Variants in KLRG2 observed in about 807,000 individuals in gnomAD.
KLRG2 encodes the protein killer cell lectin-like receptor subfamily G member 2.
Under a neutral mutation model 35.4 loss-of-function variants are expected in KLRG2, and 39 were observed. That is an observed-to-expected ratio of 1.10 (90% CI 0.85 to 1.44). The LOEUF (loss-of-function observed/expected upper bound fraction) is 1.44. KLRG2 is among the 40% of genes most tolerant of loss of function. KLRG2 has a pLI of 0.00. For missense variants in KLRG2, 632 were observed against 570.9 expected, an observed-to-expected ratio of 1.11 and a Z score of -1.09; for synonymous variants, 283 against 265.8, an observed-to-expected ratio of 1.06 and a Z score of -0.63.
chr7:139,453,588 C>T lies in KLRG2; in HGVS notation c.1229G>A (p.Ter410=). 6.3e-7 allele frequency: 1 copy of T among 1,595,104 alleles called. No homozygotes were observed. Among genetic ancestry groups the T allele is most frequent in the Non-Finnish European group, 8.5e-7 (1 of 1,170,978 alleles). ...RPWVCAKGTQ[*] ...GCTGAGGACCAGGCAGAGCCCAGAT[C>T]ACTGGGTCCCCTTGGCACAGACCCA... Residue 410 remains the stop codon, a stop_retained_variant, in exon 5 of 5, where the codon TGA becomes TAA. Coordinates refer to ENST00000340940, the MANE Select transcript of KLRG2 (RefSeq NM_198508.4).
chr7:139,449,832 T>G (rs972006286), downstream of KLRG2, among the ~76,000 whole-genome samples: 1 of 150,572 alleles, frequency 6.6e-6, no homozygotes, highest in African/African-American at 2.4e-5. Flanking sequence ...CCCGAGTAGC[T>G]GGGACTACAG....
At chr7:139,472,526 C>T (rs1484008962) in intron 3 of KLRG2, among the ~76,000 whole-genome samples, 1 of 151,230 alleles carries the variant, frequency 6.6e-6, no homozygotes, top group African/African-American at 2.4e-5. Flanking sequence ...AGGAAGATCA[C>T]TTGAGCCCAG....
the KLRG2 span, among the ~76,000 whole-genome samples, chr7:139,446,024 G>C: frequency 1.3e-5 from 2 of 151,784 alleles, no homozygotes; most frequent in African/African-American, 4.9e-5. Context: ...GTAGAAACGA[G>C]GTTTCCATGT....
chr7:139,470,148 C>T (rs149139322), intron 3 of KLRG2, among the ~76,000 whole-genome samples: 1,992 of 151,928 alleles, frequency 0.013, 55 homozygotes, highest in African/African-American at 0.046. Flanking sequence ...ACCTCCACCT[C>T]CCAGATTTAA....
chr7:139,452,344 AATGTAG>A (rs1192292116), downstream of KLRG2, among the ~76,000 whole-genome samples: 1 of 152,146 alleles, frequency 6.6e-6, no homozygotes, highest in Non-Finnish European at 1.5e-5. Context: ...AGAAATTTCT[AATGTAG>A]ATGACAAGTT....
the KLRG2 span, among the ~76,000 whole-genome samples, chr7:139,437,014 G>A: frequency 1.3e-5 from 2 of 152,184 alleles, no homozygotes; most frequent in Non-Finnish European, 2.9e-5. Flanking sequence ...GCCGGAGCTT[G>A]ACAGGGGACG....
the KLRG2 span, among the ~76,000 whole-genome samples, chr7:139,429,141 A>G: frequency 6.6e-6 from 1 of 152,148 alleles, no homozygotes; most frequent in Non-Finnish European, 1.5e-5. Flanking sequence ...CTCCATTTCT[A>G]CTAAAAATAC....
chr7:139,469,772 A>G (rs907145426), intron 3 of KLRG2, among the ~76,000 whole-genome samples: 5 of 152,248 alleles, frequency 3.3e-5, no homozygotes, highest in African/African-American at 1.2e-4. Flanking sequence ...AACAGGTTTC[A>G]CTTCTTTAAT....
At chr7:139,433,988 G>A in the KLRG2 span, among the ~76,000 whole-genome samples, 2 of 152,154 alleles carry the variant, frequency 1.3e-5, no homozygotes, top group Non-Finnish European at 2.9e-5. Context: ...ATTCCAGCCA[G>A]CACCTGTCCC....
chr7:139,463,464 A>G (rs1027167720), intron 3 of KLRG2, among the ~76,000 whole-genome samples: 2 of 152,122 alleles, frequency 1.3e-5, no homozygotes, highest in African/African-American at 4.8e-5. Context: ...ACCCAGCCGC[A>G]CCTCCAGCAT....
chr7:139,472,684 T>C (rs1196455394), intron 3 of KLRG2, among the ~76,000 whole-genome samples: 1 of 151,874 alleles, frequency 6.6e-6, no homozygotes, highest in East Asian at 1.9e-4. Flanking sequence ...GAAAGCTCAG[T>C]GGTTTTCAAG....
intron 3 of KLRG2, among the ~76,000 whole-genome samples, chr7:139,455,231 C>T (rs1796450954): frequency 1.3e-5 from 2 of 151,832 alleles, no homozygotes; most frequent in Admixed American, 1.3e-4. Flanking sequence ...TTGGCCTAGG[C>T]TGGTCTTGAG....
chr7:139,466,204 T>C (rs901410406), intron 3 of KLRG2, among the ~76,000 whole-genome samples: 6 of 152,202 alleles, frequency 3.9e-5, no homozygotes, highest in African/African-American at 1.4e-4. Context: ...AAATTGACTT[T>C]ACTCACATGC....
the KLRG2 span, among the ~76,000 whole-genome samples, chr7:139,429,765 G>C: frequency 2.0e-5 from 3 of 152,148 alleles, no homozygotes; most frequent in African/African-American, 7.2e-5. Context: ...AGTCTCCCAT[G>C]TCCTCTTTCT....
chr7:139,483,369 C>T lies in KLRG2; in HGVS notation c.274G>A (p.Glu92Lys). ...PLSLGYGVCP[E>K]PPSPGPALVK... ...AAGGCAGGGCCCGGTGACGGCGGCT[C>T]GGGGCAGACCCCGTAGCCCAGGCTG... Residue 92 changes from glutamate to lysine, a missense_variant, in exon 1 of 5, where the codon GAG becomes AAG. Coordinates refer to ENST00000340940, the MANE Select transcript of KLRG2 (RefSeq NM_198508.4). 2 of 1,538,806 alleles carry T rather than the reference C, an allele frequency of 1.3e-6. No individual in the cohort carries two copies. The highest frequency in any genetic ancestry group is 1.7e-6 in the Non-Finnish European group (2 of 1,153,870).
chr7:139,467,707 G>T (rs926691340), intron 3 of KLRG2, among the ~76,000 whole-genome samples: 3 of 150,962 alleles, frequency 2.0e-5, no homozygotes, highest in Non-Finnish European at 2.9e-5. Flanking sequence ...GCGGAAGGCC[G>T]CAGGTTCCTC....
chr7:139,459,900 C>T (rs1250129492), intron 3 of KLRG2, among the ~76,000 whole-genome samples: 3 of 152,104 alleles, frequency 2.0e-5, no homozygotes, highest in African/African-American at 4.8e-5. Flanking sequence ...TACAGGCACC[C>T]GCCACCACAC....
intron 3 of KLRG2, among the ~76,000 whole-genome samples, chr7:139,464,456 C>T (rs1194363697): frequency 1.3e-5 from 2 of 152,182 alleles, no homozygotes; most frequent in East Asian, 1.9e-4. Flanking sequence ...CCTATCCACC[C>T]CGTGGTGCCA....
chr7:139,434,224 G>A, the KLRG2 span, among the ~76,000 whole-genome samples: 4 of 152,184 alleles, frequency 2.6e-5, no homozygotes, highest in Non-Finnish European at 1.5e-5. Context: ...TTAGGGCTCC[G>A]CGTCTAAATA....
Sources: allele counts gnomAD v4.1 joint callset (sites outside exome capture counted in the v4.1 genomes callset), GRCh38; gene constraint gnomAD v4.1.1; transcripts MANE v1.5; gene names NCBI Gene and HGNC (gene_info 2026-07-23, HGNC 2026-07-21).